The following RIMS2 variants were observed in gnomAD, a reference collection of about 807,000 sequenced individuals.
RIMS2 encodes the protein regulating synaptic membrane exocytosis protein 2.
Under a neutral mutation model 174.4 loss-of-function variants are expected in RIMS2, and 59 were observed. That is an observed-to-expected ratio of 0.34 (90% confidence interval 0.27 to 0.42). RIMS2 has a LOEUF of 0.42. Among genes scored for constraint, RIMS2 ranks in the 10% least tolerant of loss-of-function variants. The pLI, the probability that RIMS2 is intolerant of heterozygous loss-of-function variation, is 1.00. For synonymous variants in RIMS2, 606 were observed against 572.5 expected, an observed-to-expected ratio of 1.06 and a Z score of -0.84; for missense variants, 1,620 against 1,666.3, an observed-to-expected ratio of 0.97 and a Z score of 0.48.
chr8:104,138,076 A>C (rs1439277385), intron 19 of RIMS2, among the ~76,000 whole-genome samples: 1 of 152,192 alleles, frequency 6.6e-6, no homozygotes, highest in Non-Finnish European at 1.5e-5. Context: ...TATTTCACTT[A>C]ACATAACGTC....
chr8:103,983,507 G>A (rs1020290539), intron 16 of RIMS2, among the ~76,000 whole-genome samples: 11 of 152,086 alleles, frequency 7.2e-5, no homozygotes, highest in East Asian at 1.9e-4. Context: ...ATACTACAGC[G>A]CTATAGTAAC....
chr8:104,254,574 G>A (rs907407432), downstream of RIMS2: 5 of 152,114 alleles, frequency 3.3e-5, no homozygotes, highest in Non-Finnish European at 7.4e-5. Context: ...TCTTAGCAGC[G>A]GCCCTCAGTA....
chr8:103,834,547 G>A (rs2098846677), intron 3 of RIMS2, among the ~76,000 whole-genome samples: 1 of 150,462 alleles, frequency 6.6e-6, no homozygotes, highest in Admixed American at 6.6e-5. Flanking sequence ...TTTTGGCAGT[G>A]TTTTTAATAC....
chr8:103,836,417 C>T (rs1280749798), intron 3 of RIMS2, among the ~76,000 whole-genome samples: 1 of 152,040 alleles, frequency 6.6e-6, no homozygotes, highest in Non-Finnish European at 1.5e-5. Flanking sequence ...AAAAAAATAG[C>T]CAGTCATGGT....
intron 1 of RIMS2, among the ~76,000 whole-genome samples, chr8:103,544,078 A>G (rs1843772863): frequency 8.0e-6 from 1 of 124,640 alleles, no homozygotes; most frequent in Admixed American, 7.4e-5. Flanking sequence ...ATAAGGGGTT[A>G]ATATCCAGAA....
At chr8:103,855,674 G>A (rs1000683569) in intron 3 of RIMS2, among the ~76,000 whole-genome samples, 2 of 151,932 alleles carry the variant, frequency 1.3e-5, no homozygotes, top group Non-Finnish European at 2.9e-5. Context: ...GTTTTTGAGA[G>A]GTCATCTTGA....
intron 1 of RIMS2, 65 bp downstream of exon 3, chr8:103,652,775 TG>T: frequency 5.0e-6 from 5 of 1,006,194 alleles, no homozygotes; most frequent in Non-Finnish European, 6.9e-6. Context: ...GAAAAGTATG[TG>T]TTAAAATACT....
At chr8:104,109,069 G>A (rs1304953576) in intron 19 of RIMS2, among the ~76,000 whole-genome samples, 8 of 151,744 alleles carry the variant, frequency 5.3e-5, no homozygotes, top group Non-Finnish European at 7.4e-5. Context: ...AGGCCGAGGC[G>A]GACAGATCAA....
At chr8:103,521,034 C>T (rs1011376306) in intron 1 of RIMS2, among the ~76,000 whole-genome samples, 22 of 150,658 alleles carry the variant, frequency 1.5e-4, no homozygotes, top group African/African-American at 2.2e-4. Flanking sequence ...CATAGTATTC[C>T]GTGGTGTACC....
intron 14 of RIMS2, among the ~76,000 whole-genome samples, chr8:103,947,701 G>A (rs2084152824): frequency 6.6e-6 from 1 of 152,150 alleles, no homozygotes; most frequent in Non-Finnish European, 1.5e-5. Context: ...GAGCAACTTG[G>A]TAAGTTAATG....
chr8:103,669,772 C>A (rs993177876), intron 1 of RIMS2, among the ~76,000 whole-genome samples: 10 of 152,246 alleles, frequency 6.6e-5, no homozygotes, highest in African/African-American at 2.4e-4. Context: ...GACAACTCTG[C>A]CCTGTGGCTT....
At chr8:104,248,466 T>A (rs1588227212) in intron 20 of RIMS2, among the ~76,000 whole-genome samples, 1 of 152,268 alleles carries the variant, frequency 6.6e-6, no homozygotes, top group East Asian at 1.9e-4. Flanking sequence ...AGAGAAAGAC[T>A]CACCAGCAGA....
intron 19 of RIMS2, among the ~76,000 whole-genome samples, chr8:104,197,020 A>T (rs959782927): frequency 2.6e-5 from 4 of 152,202 alleles, no homozygotes; most frequent in African/African-American, 9.6e-5. Flanking sequence ...GCAAATATTT[A>T]AAAAATCACA....
At chr8:104,031,649 A>G (rs183876697) in intron 19 of RIMS2, among the ~76,000 whole-genome samples, 38 of 152,250 alleles carry the variant, frequency 2.5e-4, no homozygotes, top group African/African-American at 8.7e-4. Context: ...GTTTCTGATA[A>G]GCCCTGATTA....
At chr8:103,601,019 G>A (rs1046584772) in intron 1 of RIMS2, among the ~76,000 whole-genome samples, 2 of 152,206 alleles carry the variant, frequency 1.3e-5, no homozygotes, top group South Asian at 2.1e-4. Context: ...TTTGAGAAAT[G>A]TCTATTCATA....
At chr8:104,023,539 G>A (rs1304402111) in intron 19 of RIMS2, among the ~76,000 whole-genome samples, 1 of 152,142 alleles carries the variant, frequency 6.6e-6, no homozygotes, top group Non-Finnish European at 1.5e-5. Context: ...TTTTTAGCCT[G>A]AATAGAAAAA....
At chr8:103,974,839 C>T (rs1282228373) in intron 15 of RIMS2, among the ~76,000 whole-genome samples, 1 of 151,824 alleles carries the variant, frequency 6.6e-6, no homozygotes, top group African/African-American at 2.4e-5. Flanking sequence ...AGTGAGACCC[C>T]CATCTCATTT....
intron 1 of RIMS2, among the ~76,000 whole-genome samples, chr8:103,616,104 T>C (rs1479387504): frequency 6.6e-6 from 1 of 152,164 alleles, no homozygotes; most frequent in African/African-American, 2.4e-5. Flanking sequence ...TTGATGAACA[T>C]TGATGTAAAA....
chr8:104,060,521 C>T lies in RIMS2; in HGVS notation c.3334+45906C>T, dbSNP rs555830265. On this transcript the variant is annotated intron_variant, in intron 19 of 23. Coordinates refer to ENST00000504942, the Ensembl canonical transcript of RIMS2. ...TTTGTTGATCCTTTCAAAAAACCAG[C>T]TCCTGGATTCATTAATTTTTTGAAG... 5.9e-5 allele frequency among the ~76,000 whole-genome samples: 9 copies of T among 151,878 alleles called. No homozygotes were observed. The South Asian group carries it at 1.5e-3, about 25-fold the overall frequency.
Sources: gnomAD v4.1 joint callset for allele counts (sites outside exome capture counted in the v4.1 genomes callset) on GRCh38, gnomAD v4.1.1 for gene constraint, MANE v1.5 for transcripts, NCBI Gene and HGNC (gene_info 2026-07-23, HGNC 2026-07-21) for gene names.